UST: variants seen among roughly 807,000 people sequenced by gnomAD.
The protein encoded by UST is uronyl 2-sulfotransferase.
A neutral mutation model predicts 45.6 loss-of-function variants in UST; 21 were observed. The observed-to-expected ratio is 0.46, with a 90% CI of 0.33 to 0.66. UST has a LOEUF of 0.66. UST is among the 30% of genes least tolerant of loss of function. The pLI is 0.02. For missense variants in UST, 463 were observed against 512.4 expected (o/e 0.90, Z 0.93); for synonymous variants, 215 against 200.6 (o/e 1.07, Z -0.61).
chr6:148,833,171 A>G lies in UST; in HGVS notation c.248-53815A>G, dbSNP rs142809286. Among the ~76,000 whole-genome samples the G allele has an allele frequency of 2.7e-3, 408 of 152,314 alleles. 1 individual carries two copies. Among genetic ancestry groups the G allele is most frequent in the African/African-American group, 9.6e-3 (398 of 41,566 alleles). On this transcript the variant is annotated intron_variant, in intron 1 of 7. Transcript: ENST00000367463. ...AACAGTTATCTGCAATGATAGAAAA[A>G]TAGTATAAGCATGTTTTTTAAAATT...
intron 1 of UST, among the ~76,000 whole-genome samples, chr6:148,861,282 C>T (rs754195223): frequency 9.2e-5 from 14 of 152,094 alleles, no homozygotes; most frequent in Non-Finnish European, 1.8e-4. Context: ...AGTTTATTTG[C>T]GTAGAGGTGT....
intron 1 of UST, among the ~76,000 whole-genome samples, chr6:148,862,668 C>T (rs186175416): frequency 1.2e-3 from 183 of 152,240 alleles, no homozygotes; most frequent in Non-Finnish European, 1.9e-3. Context: ...GGGCTTCCTT[C>T]GGGAGCTCTT....
rs895467001 is a variant in UST at position 148,748,703 on chromosome 6, G to A, written c.247+1026G>A. Among the ~76,000 whole-genome samples, 26 of 152,054 alleles carry A rather than the reference G, an allele frequency of 1.7e-4. No individual in the cohort carries two copies. The highest frequency in any genetic ancestry group is 7.9e-4 in the Admixed American group (12 of 15,262). On this transcript the variant is annotated intron_variant, in intron 1 of 7. Transcript: ENST00000367463. The surrounding 1 kb of genome is among the most constrained non-coding windows in gnomAD (Gnocchi z 5.3). ...CAGAAGAGGTCGTGCGGGGGTGAAG[G>A]CTGGGAGAGCTCCAGCTTCTTGCAA...
At chr6:148,944,670 T>C (rs932401793) in intron 3 of UST, among the ~76,000 whole-genome samples, 1 of 152,184 alleles carries the variant, frequency 6.6e-6, no homozygotes, top group African/African-American at 2.4e-5. Context: ...TCTGTCCTTA[T>C]AAAAATAGAA....
chr6:148,807,098 A>C (rs533621820), intron 1 of UST, among the ~76,000 whole-genome samples: 2 of 152,330 alleles, frequency 1.3e-5, no homozygotes, highest in Non-Finnish European at 2.9e-5. Flanking sequence ...TAAGGTATAA[A>C]GGAGTGGAGC....
chr6:148,764,120 C>T (rs9498150), intron 1 of UST, among the ~76,000 whole-genome samples: 4,505 of 152,204 alleles, frequency 0.03, 94 homozygotes, highest in Non-Finnish European at 0.041. Context: ...TTCTTCCAAT[C>T]CACATGCTTG....
intron 7 of UST, among the ~76,000 whole-genome samples, chr6:149,062,361 G>C (rs1274251976): frequency 6.6e-6 from 1 of 152,224 alleles, no homozygotes; most frequent in Admixed American, 6.5e-5. Context: ...AGTCAACACT[G>C]AAAGTTGCCC....
chr6:148,969,020 G>C (rs1780861530), intron 5 of UST, among the ~76,000 whole-genome samples: 1 of 152,244 alleles, frequency 6.6e-6, no homozygotes, highest in Non-Finnish European at 1.5e-5. Context: ...TGTTGGCCCT[G>C]TTGGATTCTG....
intron 6 of UST, among the ~76,000 whole-genome samples, chr6:149,020,421 T>G (rs1363524851): frequency 1.3e-5 from 2 of 152,226 alleles, no homozygotes; most frequent in East Asian, 3.8e-4. Flanking sequence ...TGAATATCTT[T>G]ATAACAGGAA....
chr6:148,874,246 C>T (rs747537052), intron 1 of UST, among the ~76,000 whole-genome samples: 9 of 152,272 alleles, frequency 5.9e-5, no homozygotes, highest in South Asian at 4.1e-4. Flanking sequence ...ATTTATATTT[C>T]GGTTGTTATT....
chr6:149,050,026 C>G (rs971036971), intron 7 of UST, among the ~76,000 whole-genome samples: 1 of 149,816 alleles, frequency 6.7e-6, no homozygotes, highest in East Asian at 2.0e-4. Context: ...CCCTGAAATA[C>G]TAAAGTTCTA....
intron 7 of UST, among the ~76,000 whole-genome samples, chr6:149,023,150 GGTGTGGTGTGGT>G (rs1776004743): frequency 7.2e-6 from 1 of 138,566 alleles, no homozygotes; most frequent in Non-Finnish European, 1.6e-5. Flanking sequence ...GTGTGTGTGT[GGTGTGGTGTGGT>G]GTGTGGTGTG....
intron 5 of UST, among the ~76,000 whole-genome samples, chr6:149,015,777 GAT>G (rs1285139375): frequency 1.3e-5 from 2 of 152,186 alleles, no homozygotes; most frequent in African/African-American, 4.8e-5. Context: ...TTAGACCAAA[GAT>G]AAATCATGAA....
At chr6:148,835,513 G>A (rs1408200994) in intron 1 of UST, among the ~76,000 whole-genome samples, 1 of 152,124 alleles carries the variant, frequency 6.6e-6, no homozygotes, top group African/African-American at 2.4e-5. Context: ...TTAGTCCCTG[G>A]TCACCTCTTG....
chr6:148,897,222 T>C (rs138921384), intron 2 of UST, among the ~76,000 whole-genome samples: 6,944 of 152,142 alleles, frequency 0.046, 524 homozygotes, highest in African/African-American at 0.16. Context: ...GGCTGGAGTA[T>C]AGTGGTATGA....
At chr6:148,850,118 A>G (rs1562276605) in intron 1 of UST, among the ~76,000 whole-genome samples, 2 of 152,144 alleles carry the variant, frequency 1.3e-5, no homozygotes. Flanking sequence ...TTATATTTCT[A>G]TGAGTGTAGT....
chr6:149,042,955 T>TTTTCTTTCTTTCTTTCTTTC (rs1158496318), intron 7 of UST, among the ~76,000 whole-genome samples: 1 of 109,076 alleles, frequency 9.2e-6, no homozygotes, highest in Admixed American at 9.7e-5. Flanking sequence ...ATCACCATCC[T>TTTTCTTTCTTTCTTTCTTTC]TTTCTTTCTT....
At chr6:148,834,525 G>A (rs1049110777) in intron 1 of UST, among the ~76,000 whole-genome samples, 4 of 152,080 alleles carry the variant, frequency 2.6e-5, no homozygotes, top group African/African-American at 7.2e-5. Context: ...GCCTGAGCTC[G>A]GGAGTTCAAG....
At chr6:148,894,021 CA>C (rs1039375684) in intron 2 of UST, among the ~76,000 whole-genome samples, 2 of 151,202 alleles carry the variant, frequency 1.3e-5, no homozygotes, top group East Asian at 1.9e-4. Context: ...TCTGTCTCTT[CA>C]AAAAAAAGTC....
Sources: allele counts gnomAD v4.1 joint callset (sites outside exome capture counted in the v4.1 genomes callset), GRCh38; gene constraint gnomAD v4.1.1; non-coding constraint Gnocchi (gnomAD v3.1); transcripts MANE v1.5; gene names NCBI Gene and HGNC (gene_info 2026-07-23, HGNC 2026-07-21).